Variants in ARHGAP22 observed in about 807,000 individuals in gnomAD.
ARHGAP22 encodes the protein rho GTPase-activating protein 22.
ARHGAP22 carries 48 observed loss-of-function variants against 59.1 expected under a neutral mutation model. That is an observed-to-expected ratio of 0.81 (90% CI 0.64 to 1.03). ARHGAP22 has a LOEUF of 1.03. ARHGAP22 is among the 50% of genes least tolerant of loss of function. The pLI, the probability that ARHGAP22 is intolerant of heterozygous loss-of-function variation, is 0.00. For missense variants in ARHGAP22, 1,015 were observed against 958.7 expected (o/e 1.06, Z -0.78); for synonymous variants, 445 against 416.4 (o/e 1.07, Z -0.84).
intron 3 of ARHGAP22, among the ~76,000 whole-genome samples, chr10:48,541,677 G>C (rs1225073329): frequency 3.9e-5 from 6 of 152,204 alleles, no homozygotes; most frequent in African/African-American, 1.4e-4. Flanking sequence ...GGCTGGGCCA[G>C]TGCACTGGAG....
At chr10:48,485,216 T>C (rs1198992376) in intron 3 of ARHGAP22, among the ~76,000 whole-genome samples, 1 of 152,216 alleles carries the variant, frequency 6.6e-6, no homozygotes, top group Non-Finnish European at 1.5e-5. Context: ...TTTAATTTGG[T>C]CTTTTTCTAG....
At chr10:48,636,401 G>A (rs1249272822) in intron 1 of ARHGAP22, among the ~76,000 whole-genome samples, 1 of 152,166 alleles carries the variant, frequency 6.6e-6, no homozygotes, top group Non-Finnish European at 1.5e-5. Flanking sequence ...AGAGCTTGTG[G>A]TATGGCCCTG....
At chr10:48,546,045 A>C (rs909444232) in intron 3 of ARHGAP22, among the ~76,000 whole-genome samples, 3 of 152,250 alleles carry the variant, frequency 2.0e-5, no homozygotes, top group African/African-American at 7.2e-5. Flanking sequence ...CAGGCCCCCA[A>C]GGCAGAGATG....
At chr10:48,586,436 A>G (rs1345107) in intron 1 of ARHGAP22, among the ~76,000 whole-genome samples, 121,888 of 152,142 alleles carry the variant, frequency 0.8, 49,234 homozygotes, top group East Asian at 1. Flanking sequence ...CTATGGTGAT[A>G]AGGATTAGGA....
chr10:48,606,138 C>A (rs148035313), upstream of ARHGAP22, among the ~76,000 whole-genome samples: 246 of 152,252 alleles, frequency 1.6e-3, 1 homozygote, highest in African/African-American at 5.7e-3. Context: ...GGGATTTGAA[C>A]AATGCCCTCC....
At chr10:48,546,235 G>C (rs2056422858) in intron 3 of ARHGAP22, among the ~76,000 whole-genome samples, 1 of 152,204 alleles carries the variant, frequency 6.6e-6, no homozygotes, top group South Asian at 2.1e-4. Flanking sequence ...GGGTAGGGGT[G>C]GGGGCACAGA....
At chr10:48,543,125 C>G (rs1315334990) in intron 3 of ARHGAP22, among the ~76,000 whole-genome samples, 2 of 152,162 alleles carry the variant, frequency 1.3e-5, no homozygotes, top group Non-Finnish European at 2.9e-5. Flanking sequence ...AGGGGACACA[C>G]CAGCTAAATA....
the ARHGAP22 span, chr10:48,437,724 G>T: frequency 6.6e-6 from 1 of 152,284 alleles, no homozygotes; most frequent in African/African-American, 2.4e-5. Context: ...TGTTCCTGAC[G>T]TGCACTCTTC....
chr10:48,438,397 G>A, the ARHGAP22 span: 1 of 152,242 alleles, frequency 6.6e-6, no homozygotes. Flanking sequence ...GAAATGTATA[G>A]TTTGGGGTAC....
At chr10:48,482,953 C>T (rs1026623050) in intron 3 of ARHGAP22, among the ~76,000 whole-genome samples, 1 of 151,992 alleles carries the variant, frequency 6.6e-6, no homozygotes, top group Non-Finnish European at 1.5e-5. Flanking sequence ...TCTTCTCAGC[C>T]TCTGGTAACC....
intron 1 of ARHGAP22, among the ~76,000 whole-genome samples, chr10:48,593,388 C>T (rs1367122957): frequency 1.3e-5 from 2 of 152,214 alleles, no homozygotes; most frequent in African/African-American, 2.4e-5. Context: ...TGGATGTTCC[C>T]AGACCCCTGA....
intron 2 of ARHGAP22, among the ~76,000 whole-genome samples, chr10:48,572,629 G>T (rs1266074111): frequency 6.6e-6 from 1 of 152,146 alleles, no homozygotes; most frequent in Non-Finnish European, 1.5e-5. Flanking sequence ...AATATTCATA[G>T]CTCCTCCTGT....
At chr10:48,493,312 A>T (rs1257815530) in intron 3 of ARHGAP22, 8 of 1,015,546 alleles carry the variant, frequency 7.9e-6, no homozygotes, top group African/African-American at 4.8e-5. Flanking sequence ...GTCTTCATTC[A>T]TGTCTTTCAT....
intron 3 of ARHGAP22, among the ~76,000 whole-genome samples, chr10:48,496,429 T>C (rs1234788149): frequency 5.3e-5 from 8 of 152,062 alleles, no homozygotes; most frequent in African/African-American, 1.9e-4. Context: ...CCATAGCTTG[T>C]GAGATAGGTG....
At chr10:48,494,122 G>A (rs1277993848) in intron 3 of ARHGAP22, among the ~76,000 whole-genome samples, 2 of 152,212 alleles carry the variant, frequency 1.3e-5, no homozygotes, top group Admixed American at 6.5e-5. Flanking sequence ...GCACCTGCAC[G>A]TGGTACTTGG....
chr10:48,640,559 T>A (rs147715706), intron 1 of ARHGAP22, among the ~76,000 whole-genome samples: 1,534 of 152,208 alleles, frequency 0.01, 15 homozygotes, highest in Non-Finnish European at 0.015. Context: ...GGGCTAGAAG[T>A]GGGAGGACGT....
upstream of ARHGAP22, among the ~76,000 whole-genome samples, chr10:48,654,774 C>CTT (rs1197577570): frequency 2.8e-3 from 118 of 42,714 alleles, no homozygotes; most frequent in Middle Eastern, 0.014. Context: ...ATGCTGATTA[C>CTT]TTTCTTTCTT....
At chr10:48,590,784 T>C (rs2059705203) in intron 1 of ARHGAP22, among the ~76,000 whole-genome samples, 1 of 140,878 alleles carries the variant, frequency 7.1e-6, no homozygotes, top group African/African-American at 2.6e-5. Flanking sequence ...ACTCTGGAGG[T>C]GGTCATGGGG....
chr10:48,615,663 T>C (rs79341043), intron 1 of ARHGAP22, among the ~76,000 whole-genome samples: 1,618 of 152,262 alleles, frequency 0.011, 33 homozygotes, highest in African/African-American at 0.036. Context: ...AGCTCAGATA[T>C]TGGACTTACT....
Sources: gnomAD v4.1 joint callset for allele counts (sites outside exome capture counted in the v4.1 genomes callset) on GRCh38, gnomAD v4.1.1 for gene constraint, MANE v1.5 for transcripts, NCBI Gene and HGNC (gene_info 2026-07-23, HGNC 2026-07-21) for gene names.